Variants in CCDC7 observed in about 807,000 individuals in gnomAD.
The protein encoded by CCDC7 is coiled-coil domain containing 7, also known as coiled-coil domain-containing protein 7.
CCDC7 carries 183 observed loss-of-function variants against 196.9 expected under a neutral mutation model. The ratio of observed to expected loss-of-function variants is 0.93; its 90% CI spans 0.82 to 1.05. The LOEUF is 1.05. Among genes scored for constraint, CCDC7 ranks in the 50% least tolerant of loss-of-function variants. The pLI is 0.00. For synonymous variants in CCDC7, 525 were observed against 484.6 expected (o/e 1.08, Z -1.10); for missense variants, 1,540 against 1,482.2 (o/e 1.04, Z -0.64).
At chr10:32,809,721 G>T (rs2135292537) in intron 30 of CCDC7, among the ~76,000 whole-genome samples, 1 of 152,288 alleles carries the variant, frequency 6.6e-6, no homozygotes. Flanking sequence ...TAAAAAGTCA[G>T]AAAACAACAG....
At chr10:32,800,529 A>G (rs971656577) in intron 29 of CCDC7, among the ~76,000 whole-genome samples, 1 of 152,148 alleles carries the variant, frequency 6.6e-6, no homozygotes, top group Admixed American at 6.5e-5. Context: ...GGAGGATCAC[A>G]ATAACATTTT....
At chr10:32,793,392 C>G (rs1241813757) in intron 29 of CCDC7, among the ~76,000 whole-genome samples, 1 of 152,012 alleles carries the variant, frequency 6.6e-6, no homozygotes, top group Non-Finnish European at 1.5e-5. Flanking sequence ...TAAATTGAAG[C>G]CTTGTAATGG....
chr10:32,800,566 CAG>C (rs1177550853), intron 29 of CCDC7, among the ~76,000 whole-genome samples: 4 of 152,206 alleles, frequency 2.6e-5, no homozygotes, highest in African/African-American at 9.7e-5. Flanking sequence ...AATGTCAGCT[CAG>C]AGCCAGTGAC....
chr10:32,859,663 A>G (rs1055699350), intron 41 of CCDC7, among the ~76,000 whole-genome samples: 9 of 151,828 alleles, frequency 5.9e-5, no homozygotes, highest in Non-Finnish European at 1.2e-4. Flanking sequence ...TAAATAGGCC[A>G]CTAGCCAGAC....
intron 13 of CCDC7, among the ~76,000 whole-genome samples, chr10:32,561,936 C>T (rs943252546): frequency 1.1e-4 from 17 of 152,070 alleles, no homozygotes; most frequent in African/African-American, 3.4e-4. Flanking sequence ...AGAGAAGAAT[C>T]AAATAGACGC....
At chr10:32,858,992 A>T (rs2093870135) in intron 41 of CCDC7, among the ~76,000 whole-genome samples, 1 of 152,172 alleles carries the variant, frequency 6.6e-6, no homozygotes. Context: ...ACCCCGTGTC[A>T]ATATTAGACA....
chr10:32,481,804 GT>G (rs76230674), intron 8 of CCDC7: 3 of 151,932 alleles, frequency 2.0e-5, no homozygotes, highest in Non-Finnish European at 4.4e-5. Flanking sequence ...TTGGTTGGCA[GT>G]TTTTTTCTTC....
chr10:32,673,502 A>G (rs2074395303), intron 21 of CCDC7, among the ~76,000 whole-genome samples: 1 of 151,726 alleles, frequency 6.6e-6, no homozygotes, highest in Admixed American at 6.6e-5. Context: ...TATTGCTAGT[A>G]TTTTTTCCTT....
At chr10:32,519,809 C>T (rs1480129297) in intron 11 of CCDC7, among the ~76,000 whole-genome samples, 1 of 151,926 alleles carries the variant, frequency 6.6e-6, no homozygotes, top group African/African-American at 2.4e-5. Context: ...CTATCAAATA[C>T]TAAGTCTTAT....
chr10:32,506,635 C>G (rs1589309476), intron 9 of CCDC7, among the ~76,000 whole-genome samples: 1 of 152,346 alleles, frequency 6.6e-6, no homozygotes, highest in Non-Finnish European at 1.5e-5. Context: ...GCAGATCACT[C>G]AAGGCCAGGA....
At chr10:32,828,512 A>AGAGGAAGAGGAAGAGGAAGAGGAAGAG (rs1565635046) in intron 32 of CCDC7, among the ~76,000 whole-genome samples, 11 of 144,426 alleles carry the variant, frequency 7.6e-5, no homozygotes, top group East Asian at 2.1e-4. Context: ...AAGAAGAAGA[A>AGAGGAAGAGGAAGAGGAAGAGGAAGAG]GAAGAAGAAG....
chr10:32,845,134 A>G (rs1250070579), intron 33 of CCDC7, 109 bp from the exon 35 acceptor site: 2 of 595,546 alleles, frequency 3.4e-6, no homozygotes, highest in Admixed American at 6.2e-5. Flanking sequence ...TTAGTATTAT[A>G]TAGGTGAAAT....
intron 16 of CCDC7, among the ~76,000 whole-genome samples, chr10:32,580,097 A>G (rs1391788855): frequency 6.6e-6 from 1 of 152,142 alleles, no homozygotes; most frequent in East Asian, 1.9e-4. Context: ...CCATTCAGAA[A>G]CATGTTTGTC....
intron 9 of CCDC7, among the ~76,000 whole-genome samples, chr10:32,502,372 C>T (rs1035339293): frequency 3.9e-5 from 6 of 152,200 alleles, no homozygotes; most frequent in African/African-American, 1.4e-4. Context: ...CTTCAGCTCA[C>T]CCTCCATGGG....
chr10:32,700,113 A>T (rs2078422536), intron 24 of CCDC7, among the ~76,000 whole-genome samples: 1 of 149,280 alleles, frequency 6.7e-6, no homozygotes, highest in South Asian at 2.1e-4. Flanking sequence ...GGTGTTTTAG[A>T]CATGAAGTCC....
rs1345081791 is a variant in CCDC7, at chr10:32,829,226, C to T, written c.3268+4622C>T. On this transcript the variant is annotated intron_variant, in intron 32 of 41. Coordinates refer to ENST00000639629, the Ensembl canonical transcript of CCDC7. Reference sequence around the variant, plus strand: ...AATCCAGGCAGGACTACAAATAGCACAGACCCTTCAGGAATGAAGGTTTGG... The same window carrying T: ...AATCCAGGCAGGACTACAAATAGCATAGACCCTTCAGGAATGAAGGTTTGG... Among the ~76,000 whole-genome samples the T allele has an allele frequency of 3.3e-5, 5 of 152,176 alleles. No individual in the cohort carries two copies. The East Asian group carries it at 9.6e-4, about 29-fold the overall frequency.
At chr10:32,706,029 C>A (rs1228144835) in intron 24 of CCDC7, among the ~76,000 whole-genome samples, 2 of 152,060 alleles carry the variant, frequency 1.3e-5, no homozygotes, top group Non-Finnish European at 2.9e-5. Flanking sequence ...CTTCTCAGCA[C>A]CACATCGCAC....
At chr10:32,601,948 C>T (rs111505450) in intron 18 of CCDC7, among the ~76,000 whole-genome samples, 11 of 152,090 alleles carry the variant, frequency 7.2e-5, no homozygotes, top group Non-Finnish European at 1.5e-4. Flanking sequence ...AGGATGTGGG[C>T]GGGGCCAAAT....
intron 28 of CCDC7, among the ~76,000 whole-genome samples, chr10:32,741,190 C>T (rs2085780875): frequency 6.6e-6 from 1 of 152,136 alleles, no homozygotes; most frequent in South Asian, 2.1e-4. Context: ...AGATTAAAAA[C>T]ATCTCTTCTT....
Sources: allele counts gnomAD v4.1 joint callset (sites outside exome capture counted in the v4.1 genomes callset), GRCh38; gene constraint gnomAD v4.1.1; transcripts MANE v1.5; gene names NCBI Gene and HGNC (gene_info 2026-07-23, HGNC 2026-07-21).